Variants in MRPL3 observed in about 807,000 individuals in gnomAD.
MRPL3 encodes mitochondrial ribosomal protein L3.
A neutral mutation model predicts 44.3 loss-of-function variants in MRPL3; 43 were observed. The observed-to-expected ratio is 0.97, with a 90% confidence interval of 0.76 to 1.25. The LOEUF (loss-of-function observed/expected upper bound fraction) is 1.25, where lower values mean the gene tolerates loss of function less well. Ranked by LOEUF, MRPL3 falls within the 50% of genes most tolerant of loss-of-function variation. The pLI is 0.00. For missense variants in MRPL3, 406 were observed against 427.6 expected, an observed-to-expected ratio of 0.95 and a Z score of 0.45; for synonymous variants, 171 against 152.3, an observed-to-expected ratio of 1.12 and a Z score of -0.91.
intron 5 of MRPL3, 94 bp downstream of exon 5, chr3:131,489,887 G>T: frequency 1.5e-6 from 1 of 686,050 alleles, no homozygotes; most frequent in African/African-American, 1.8e-5. Context: ...TTGAGACTTT[G>T]CATTTTAGAT....
At chr3:131,472,983 T>C (rs138061235) in intron 6 of MRPL3, among the ~76,000 whole-genome samples, 1 of 152,270 alleles carries the variant, frequency 6.6e-6, no homozygotes, top group East Asian at 1.9e-4. Flanking sequence ...ACGGCCATAC[T>C]ATACAAAGTG....
chr3:131,490,025 G>C lies in MRPL3; in HGVS notation c.524C>G (p.Thr175Arg). ...YRELGLPPKQ[T>R]VKIFNITDNA... ...ATCTGTTATATTAAAGATTTTAACT[G>C]TCTGTTTCGGCGGCAATCCAAGTTC... Residue 175 changes from threonine (T) to arginine (R), a missense_variant, in exon 5 of 10, where the codon ACA becomes AGA. By Grantham distance (71) the Thr-to-Arg change is moderately conservative (BLOSUM62 -1). Transcript: ENST00000264995. 1.9e-6 allele frequency: 3 copies of C among 1,611,966 alleles called. No individual in the cohort carries two copies. Among genetic ancestry groups the C allele is most frequent in the Non-Finnish European group, 2.5e-6 (3 of 1,178,476 alleles).
At position 131,502,763 on chromosome 3, in the gene MRPL3, T is replaced by C; in HGVS notation, c.59A>G (p.Asp20Gly). Reference protein sequence around the residue: ...VGAQVLGRLGDGLGAALGPGN... With the variant: ...VGAQVLGRLGGGLGAALGPGN... ...CGGGCCCAGGGCAGCACCCAGGCCG[T>C]CCCCGAGTCGACCCAGCACCTGGGC... Residue 20 changes from aspartate (D) to glycine (G), a missense_variant, in exon 1 of 10, where the codon GAC becomes GGC. Asp to Gly is a moderately conservative substitution (Grantham distance 94, BLOSUM62 -1). Transcript: ENST00000264995. 1.9e-6 allele frequency: 3 copies of C among 1,612,294 alleles called. No homozygotes were observed. Among genetic ancestry groups the C allele is most frequent in the Non-Finnish European group, 2.5e-6 (3 of 1,179,164 alleles).
chr3:131,489,582 C>T (rs1402068204), intron 5 of MRPL3, among the ~76,000 whole-genome samples: 2 of 152,056 alleles, frequency 1.3e-5, no homozygotes, highest in Admixed American at 1.3e-4. Flanking sequence ...AAGTAAGAAT[C>T]TTTACATTGA....
chr3:131,498,312 C>A (rs1934413979), intron 3 of MRPL3, 35 bp from the exon 4 acceptor site: 4 of 1,346,544 alleles, frequency 3.0e-6, no homozygotes, highest in Non-Finnish European at 4.2e-6. Flanking sequence ...TAAGCATGTG[C>A]CAATATATAT....
In MRPL3 at chr3:131,468,820, G is replaced by A. The variant is rs145940131; in HGVS notation, c.817-652C>T. Among the ~76,000 whole-genome samples the A allele has an allele frequency of 3.2e-3, 481 of 151,992 alleles. 2 individuals carry two copies. The highest frequency in any genetic ancestry group is 0.011 in the African/African-American group (464 of 41,484). ...ATAGAAGGGGTAAAAAAAATCTTAG[G>A]TTTAATTATATAAAATTTGAAAACT... is the stretch of plus-strand genomic sequence containing the variant. On this transcript the variant is annotated intron_variant, in intron 8 of 9. Coordinates refer to ENST00000264995, the MANE Select transcript of MRPL3 (RefSeq NM_007208.4).
chr3:131,492,724 T>C (rs1445748290), intron 4 of MRPL3, among the ~76,000 whole-genome samples: 1 of 151,878 alleles, frequency 6.6e-6, no homozygotes, highest in African/African-American at 2.4e-5. Flanking sequence ...AGCCTCCCCA[T>C]TTCACCCCCA....
At chr3:131,463,509 T>C (rs1933537238) in intron 9 of MRPL3, among the ~76,000 whole-genome samples, 2 of 152,130 alleles carry the variant, frequency 1.3e-5, no homozygotes, top group South Asian at 4.1e-4. Flanking sequence ...AATACTTCCA[T>C]GGCCTTAGTG....
At chr3:131,473,321 T>C (rs550933201) in intron 6 of MRPL3, among the ~76,000 whole-genome samples, 3 of 152,156 alleles carry the variant, frequency 2.0e-5, no homozygotes, top group Admixed American at 1.3e-4. Flanking sequence ...CACAGTCTCT[T>C]CTATAAATGG....
intron 6 of MRPL3, 168 bp downstream of exon 6, chr3:131,487,512 T>C (rs920900348): frequency 1.7e-6 from 1 of 605,582 alleles, no homozygotes; most frequent in Admixed American, 3.6e-5. Flanking sequence ...ACAATTAATT[T>C]GGCACAATTT....
At chr3:131,464,521 T>A (rs143393720) in intron 9 of MRPL3, among the ~76,000 whole-genome samples, 1 of 152,114 alleles carries the variant, frequency 6.6e-6, no homozygotes. Context: ...TCATTCTTTT[T>A]ATGTCTATCA....
rs766054502 is a variant in MRPL3 at position 131,498,293 on chromosome 3, T to TA, written c.370-17dup. ...AGTCTTGTACCTAAAAAAACAAACA[T>TA]AAAAAAACTAAGCATGTGCCAATAT... On this transcript the variant is annotated splice_polypyrimidine_tract_variant and intron_variant, in intron 3 of 9. Transcript: ENST00000264995. 6.0e-6 allele frequency: 9 copies of TA among 1,494,798 alleles called. No homozygotes were observed. Among genetic ancestry groups the TA allele is most frequent in the Non-Finnish European group, 8.4e-6 (9 of 1,075,526 alleles). 92.6% of individuals were successfully genotyped at this position (1,494,798 alleles called of 1,614,324 possible).
intron 2 of MRPL3, among the ~76,000 whole-genome samples, chr3:131,501,100 C>T (rs16836862): frequency 0.013 from 1,905 of 152,314 alleles, 16 homozygotes; most frequent in East Asian, 0.035. Flanking sequence ...CTTGGTCTGG[C>T]CACACATGGG....
Position 131,469,753 on chromosome 3 carries a change from A to G in MRPL3, c.759T>C (p.Pro253=). 1 of 1,611,958 alleles carries G rather than the reference A, an allele frequency of 6.2e-7. No homozygotes were observed. Among genetic ancestry groups the G allele is most frequent in the Non-Finnish European group, 8.5e-7 (1 of 1,178,680 alleles). The part of the protein sequence containing the change: ...VATGDIGRVW[P]GTKMPGKMGN... ...CCATTTTTCCAGGCATTTTAGTTCC[A>G]GGCCAGACTCTGCCAATATCCTAAA... is the stretch of plus-strand genomic sequence containing the variant. The change falls in exon 8 of 10, where the codon CCT becomes CCC. Residue 253 remains proline (P), a synonymous_variant. Coordinates refer to ENST00000264995, the MANE Select transcript of MRPL3 (RefSeq NM_007208.4).
chr3:131,486,515 T>C lies in MRPL3; in HGVS notation c.629+1165A>G, dbSNP rs931348175. Among the ~76,000 whole-genome samples, 8 of 151,576 alleles carry C rather than the reference T, an allele frequency of 5.3e-5. No homozygotes were observed. In the East Asian group the frequency reaches 1.5e-3, roughly 29 times the overall value. On this transcript the variant is annotated intron_variant, in intron 6 of 9. Coordinates refer to ENST00000264995, the MANE Select transcript of MRPL3 (RefSeq NM_007208.4). ...ACATTGTGCAGGTTAGTTACATATG[T>C]ATACATGTGCCATGCTGGTGCGCTG...
intron 9 of MRPL3, among the ~76,000 whole-genome samples, chr3:131,465,025 T>C (rs1444009148): frequency 6.6e-6 from 1 of 152,260 alleles, no homozygotes; most frequent in Non-Finnish European, 1.5e-5. Flanking sequence ...CCCAAATTCA[T>C]ACCTTAATTA....
intron 6 of MRPL3, among the ~76,000 whole-genome samples, chr3:131,480,424 C>T (rs759728640): frequency 2.0e-5 from 3 of 152,126 alleles, no homozygotes; most frequent in Admixed American, 6.5e-5. Flanking sequence ...CTCTTTAGGA[C>T]GAATTTGTGA....
Position 131,487,715 on chromosome 3 carries a change from A to C in MRPL3, c.594T>G (p.Phe198Leu). The C allele has an allele frequency of 4.3e-6, 7 of 1,611,508 alleles. No homozygotes were observed. The highest frequency in any genetic ancestry group is 4.2e-6 in the Non-Finnish European group (5 of 1,179,362). Residue 198 changes from phenylalanine to leucine, a missense_variant, in exon 6 of 10, where the codon TTT (phenylalanine) becomes TTG (leucine). Physicochemically the swap from Phe to Leu is conservative, Grantham distance 22. Coordinates refer to ENST00000264995, the MANE Select transcript of MRPL3 (RefSeq NM_007208.4). ...KPGTPLYAAH[F>L]RPGQYVDVTA... ...TGACATCCACATACTGTCCTGGACGAAAGTGAGCAGCATAAAGAGGAGTGC... is the reference window on the plus strand; with the variant it reads ...TGACATCCACATACTGTCCTGGACGCAAGTGAGCAGCATAAAGAGGAGTGC...
intron 4 of MRPL3, 41 bp from the exon 5 acceptor site, chr3:131,490,121 T>A: frequency 7.2e-7 from 1 of 1,380,934 alleles, no homozygotes; most frequent in Non-Finnish European, 1.0e-6. Flanking sequence ...CATTGAATAT[T>A]AAAAGTGGAA....
Sources: allele counts gnomAD v4.1 joint callset (sites outside exome capture counted in the v4.1 genomes callset), GRCh38; gene constraint gnomAD v4.1.1; transcripts MANE v1.5; gene names NCBI Gene and HGNC (gene_info 2026-07-23, HGNC 2026-07-21).